The following HPGDS variants were observed in gnomAD, a reference collection of about 807,000 sequenced individuals.
HPGDS encodes the protein hematopoietic prostaglandin D synthase.
A neutral mutation model predicts 23.1 loss-of-function variants in HPGDS; 26 were observed. That is an observed-to-expected ratio of 1.13 (90% CI 0.83 to 1.56). The LOEUF is 1.56. Ranked by LOEUF, HPGDS falls within the 40% of genes most tolerant of loss-of-function variation. The pLI is 0.00. For synonymous variants in HPGDS, 95 were observed against 77.9 expected (o/e 1.22, Z -1.16); for missense variants, 268 against 236.4 (o/e 1.13, Z -0.88).
intron 1 of HPGDS, among the ~76,000 whole-genome samples, chr4:94,336,500 T>G (rs1392385903): frequency 6.6e-6 from 1 of 152,214 alleles, no homozygotes; most frequent in South Asian, 2.1e-4. Context: ...CAATCATTCC[T>G]GCCCAGTTTG....
chr4:94,300,776 C>CTT (rs1460205936), intron 5 of HPGDS, among the ~76,000 whole-genome samples: 1 of 151,534 alleles, frequency 6.6e-6, no homozygotes, highest in Admixed American at 6.6e-5. Flanking sequence ...TCAGAGAGGA[C>CTT]TTTTTAAGAG....
intron 1 of HPGDS, among the ~76,000 whole-genome samples, chr4:94,341,132 G>A (rs1374641276): frequency 6.6e-6 from 1 of 151,892 alleles, no homozygotes; most frequent in Non-Finnish European, 1.5e-5. Flanking sequence ...CACCTCGCCC[G>A]GCCAAACTTT....
intron 1 of HPGDS, 123 bp from the exon 2 acceptor site, chr4:94,334,761 A>G (rs925163828): frequency 2.8e-5 from 21 of 762,028 alleles, no homozygotes; most frequent in Non-Finnish European, 4.0e-5. Context: ...ATTAGAGGAT[A>G]TTTCAAAACC....
Position 94,310,823 on chromosome 4 carries a change from T to G in HPGDS, c.227-2080A>C, listed in dbSNP as rs185505591. Among the ~76,000 whole-genome samples the G allele has an allele frequency of 5.5e-3, 840 of 152,326 alleles. 4 individuals carry two copies. The highest frequency in any genetic ancestry group is 0.019 in the African/African-American group (784 of 41,568). ...CTCTTTTATTTTGTTGAGCAGTGTT[T>G]TGTAATTCTCCTTAAAGAGGTCCTT... On this transcript the variant is annotated intron_variant, in intron 3 of 5. Coordinates refer to ENST00000295256, the MANE Select transcript of HPGDS (RefSeq NM_014485.3).
chr4:94,336,147 A>T (rs1238476198), intron 1 of HPGDS, among the ~76,000 whole-genome samples: 1 of 151,494 alleles, frequency 6.6e-6, no homozygotes, highest in Non-Finnish European at 1.5e-5. Flanking sequence ...TGGAGGTTGC[A>T]GTGACCCAAG....
intron 3 of HPGDS, among the ~76,000 whole-genome samples, chr4:94,313,890 A>T (rs934979127): frequency 3.3e-5 from 5 of 151,902 alleles, no homozygotes; most frequent in Admixed American, 1.3e-4. Context: ...CATTCTTTTG[A>T]TCTTCCATCA....
chr4:94,309,358 A>G (rs1405905591), intron 3 of HPGDS, among the ~76,000 whole-genome samples: 1 of 148,410 alleles, frequency 6.7e-6, no homozygotes, highest in Non-Finnish European at 1.5e-5. Context: ...CCTATGAGAG[A>G]GAAGAGTGAG....
At chr4:94,334,318 GT>G in intron 2 of HPGDS, 178 bp downstream of exon 2, 1 of 489,372 alleles carries the variant, frequency 2.0e-6, no homozygotes, top group South Asian at 4.7e-5. Flanking sequence ...TAAGTTTTGT[GT>G]TTTCACCTCT....
At chr4:94,299,692 T>A in intron 5 of HPGDS, 48 bp from the exon 6 acceptor site, 1 of 1,504,202 alleles carries the variant, frequency 6.6e-7, no homozygotes, top group Non-Finnish European at 9.1e-7. Context: ...AAAGTGTAGC[T>A]GTATCAGCAT....
chr4:94,326,944 A>G (rs1050601139), intron 2 of HPGDS, among the ~76,000 whole-genome samples: 3 of 151,874 alleles, frequency 2.0e-5, no homozygotes. Context: ...GCAATAATGT[A>G]GTCTTCATAT....
intron 1 of HPGDS, among the ~76,000 whole-genome samples, chr4:94,337,105 C>T (rs1256007590): frequency 2.0e-5 from 3 of 152,048 alleles, no homozygotes; most frequent in African/African-American, 7.2e-5. Flanking sequence ...GCTGGGATTA[C>T]AGGCATGCAC....
intron 1 of HPGDS, among the ~76,000 whole-genome samples, chr4:94,339,860 TA>T (rs1721102150): frequency 1.3e-5 from 2 of 152,158 alleles, no homozygotes; most frequent in African/African-American, 4.8e-5. Flanking sequence ...TTCATGGTAG[TA>T]AATAAGTCTC....
rs369939439 is a variant in HPGDS at position 94,317,757 on chromosome 4, A to C, written c.226+116T>G. 8.6e-4 allele frequency: 503 copies of C among 585,764 alleles called. 2 individuals carry two copies. The highest frequency in any genetic ancestry group is 8.4e-3 in the African/African-American group (440 of 52,240). 36.3% of individuals were successfully genotyped at this position (585,764 alleles called of 1,614,324 possible). A position where few individuals can be genotyped will look rare whatever the true frequency, so the allele number is the denominator to read the frequency against. On this transcript the variant is annotated intron_variant, in intron 3 of 5. Coordinates refer to ENST00000295256, the MANE Select transcript of HPGDS (RefSeq NM_014485.3). Reference sequence around the variant, plus strand: ...GTATATTTATACTTTTCTCTTATTTAATTCCATTCTTATTTGTACTATAGT... The same window carrying C: ...GTATATTTATACTTTTCTCTTATTTCATTCCATTCTTATTTGTACTATAGT...
chr4:94,302,895 T>A (rs17376404), intron 4 of HPGDS, among the ~76,000 whole-genome samples: 57,539 of 151,910 alleles, frequency 0.38, 11,909 homozygotes, highest in East Asian at 0.72. Flanking sequence ...TCCATTTTTT[T>A]AATTGTCATC....
intron 4 of HPGDS, among the ~76,000 whole-genome samples, chr4:94,306,139 G>T (rs536833289): frequency 2.6e-5 from 4 of 152,078 alleles, no homozygotes; most frequent in African/African-American, 9.6e-5. Flanking sequence ...TGGCGGTGGG[G>T]GATCAGTTGA....
rs1756059195 is a variant in HPGDS, at chr4:94,302,352, G to A, written c.337-108C>T. Reference sequence around the variant, plus strand: ...TTATTCTCCCACATGAATTCAAGAAGAAAGAGAAGTAGCTAGATTTTTTAT... The same window carrying A: ...TTATTCTCCCACATGAATTCAAGAAAAAAGAGAAGTAGCTAGATTTTTTAT... On this transcript the variant is annotated intron_variant, in intron 4 of 5. Transcript: ENST00000295256. 4 of 750,104 alleles carry A rather than the reference G, an allele frequency of 5.3e-6. No individual in the cohort carries two copies. The South Asian group carries it at 7.4e-5, about 14-fold the overall frequency. The allele number at this position is 750,104 out of a possible 1,614,324, so 46.5% of individuals were successfully genotyped here. A position where few individuals can be genotyped will look rare whatever the true frequency, so the allele number is the denominator to read the frequency against.
chr4:94,338,358 G>C (rs1578147195), intron 1 of HPGDS, among the ~76,000 whole-genome samples: 1 of 151,278 alleles, frequency 6.6e-6, no homozygotes, highest in African/African-American at 2.5e-5. Context: ...CTGGGAGGCA[G>C]AGGTTGCAGT....
chr4:94,311,253 G>A (rs1217272012), intron 3 of HPGDS, among the ~76,000 whole-genome samples: 1 of 151,862 alleles, frequency 6.6e-6, no homozygotes, highest in East Asian at 1.9e-4. Flanking sequence ...TGCCCATTCA[G>A]TATGATATTG....
intron 3 of HPGDS, among the ~76,000 whole-genome samples, chr4:94,309,987 T>C (rs1351839995): frequency 6.6e-6 from 1 of 152,248 alleles, no homozygotes; most frequent in East Asian, 1.9e-4. Flanking sequence ...GTTTGCTTTT[T>C]TCATGCAAAT....
Sources: allele counts gnomAD v4.1 joint callset (sites outside exome capture counted in the v4.1 genomes callset), GRCh38; gene constraint gnomAD v4.1.1; transcripts MANE v1.5; gene names NCBI Gene and HGNC (gene_info 2026-07-23, HGNC 2026-07-21).